Variants in NPFFR2 observed in about 807,000 individuals in gnomAD.
NPFFR2 encodes the protein G-protein coupled receptor 74.
A neutral mutation model predicts 13.1 loss-of-function variants in NPFFR2; 15 were observed. The observed-to-expected ratio is 1.15, with a 90% CI of 0.77 to 1.76. The LOEUF is 1.76. NPFFR2 is among the 40% of genes most tolerant of loss of function. NPFFR2 has a pLI of 0.00. For missense variants in NPFFR2, 572 were observed against 503.5 expected, an observed-to-expected ratio of 1.14 and a Z score of -1.30; for synonymous variants, 190 against 175.7, an observed-to-expected ratio of 1.08 and a Z score of -0.65.
chr4:72,119,269 C>G (rs1247994810), intron 1 of NPFFR2, among the ~76,000 whole-genome samples: 19 of 152,064 alleles, frequency 1.2e-4, no homozygotes, highest in Admixed American at 1.2e-3. Context: ...ATATGTTGTA[C>G]ATAGATTGTT....
At chr4:72,092,800 T>A (rs1326937956) in intron 1 of NPFFR2, among the ~76,000 whole-genome samples, 1 of 152,182 alleles carries the variant, frequency 6.6e-6, no homozygotes, top group East Asian at 1.9e-4. Flanking sequence ...TTTGCCATTT[T>A]TTGTCTTTCA....
chr4:72,132,961 T>C (rs906160481), intron 2 of NPFFR2, among the ~76,000 whole-genome samples: 14 of 152,216 alleles, frequency 9.2e-5, no homozygotes, highest in African/African-American at 3.4e-4. Flanking sequence ...TTTACTCTGT[T>C]GATATTTTCT....
chr4:72,044,156 A>G (rs1719312322), intron 1 of NPFFR2, among the ~76,000 whole-genome samples: 1 of 152,116 alleles, frequency 6.6e-6, no homozygotes, highest in South Asian at 2.1e-4. Flanking sequence ...TTCCACCATG[A>G]TTGTAAGTTT....
intron 1 of NPFFR2, among the ~76,000 whole-genome samples, chr4:72,080,540 G>A (rs975307178): frequency 2.8e-4 from 43 of 152,070 alleles, no homozygotes; most frequent in African/African-American, 1.0e-3. Flanking sequence ...TCATGGACCT[G>A]CAGCTTTGAA....
chr4:72,078,382 T>A (rs1250296555), intron 1 of NPFFR2, among the ~76,000 whole-genome samples: 1 of 152,130 alleles, frequency 6.6e-6, no homozygotes, highest in Non-Finnish European at 1.5e-5. Flanking sequence ...TATCAATGAA[T>A]GAGTGAGAGC....
chr4:72,067,047 A>G (rs1720091879), intron 1 of NPFFR2, among the ~76,000 whole-genome samples: 1 of 26,286 alleles, frequency 3.8e-5, no homozygotes, highest in Non-Finnish European at 4.4e-4. Context: ...CACATGAGCA[A>G]CAGTCCTCTC....
chr4:72,102,325 T>A (rs1048097194), intron 1 of NPFFR2, among the ~76,000 whole-genome samples: 18 of 152,068 alleles, frequency 1.2e-4, no homozygotes, highest in Non-Finnish European at 2.2e-4. Context: ...TACTAAAAAA[T>A]CTTTCAATAA....
At chr4:72,138,462 C>T (rs1391287982) in intron 3 of NPFFR2, among the ~76,000 whole-genome samples, 1 of 142,548 alleles carries the variant, frequency 7.0e-6, no homozygotes, top group East Asian at 2.4e-4. Flanking sequence ...TGCCGTGTGT[C>T]CAAGTGTTCT....
intron 1 of NPFFR2, among the ~76,000 whole-genome samples, chr4:72,054,550 T>G (rs1719687218): frequency 6.6e-6 from 1 of 151,684 alleles, no homozygotes; most frequent in African/African-American, 2.4e-5. Context: ...AAGAGAAAAT[T>G]TTTGCAAACT....
intron 1 of NPFFR2, among the ~76,000 whole-genome samples, chr4:72,067,426 C>A (rs1720106878): frequency 6.6e-6 from 1 of 152,156 alleles, no homozygotes; most frequent in Non-Finnish European, 1.5e-5. Flanking sequence ...TTCTAAAATG[C>A]CTTCAGTGTC....
chr4:72,128,824 C>G lies in NPFFR2; in HGVS notation c.233C>G (p.Thr78Arg). The change falls in exon 2 of 4, where the codon ACA (threonine) becomes AGA (arginine). Residue 78 changes from threonine (T) to arginine (R), a missense_variant. Thr to Arg is a moderately conservative substitution (Grantham distance 71). Coordinates refer to ENST00000308744, the MANE Select transcript of NPFFR2 (RefSeq NM_004885.3). ...GTAATGAGGAACAAACATATGCACA[C>G]AGTCACTAATCTCTTCATCTTAAAC... ...FIVMRNKHMH[T>R]VTNLFILNLA... is the part of the protein sequence containing the mutation. 2 of 1,614,056 alleles carry G rather than the reference C, an allele frequency of 1.2e-6. No homozygotes were observed. Among genetic ancestry groups the G allele is most frequent in the Non-Finnish European group, 1.7e-6 (2 of 1,179,912 alleles).
intron 1 of NPFFR2, among the ~76,000 whole-genome samples, chr4:72,044,531 T>C (rs940883241): frequency 6.6e-6 from 1 of 152,180 alleles, no homozygotes; most frequent in Admixed American, 6.5e-5. Flanking sequence ...CAGTGTTCCC[T>C]TTTATCCACA....
chr4:72,043,263 G>A (rs1205322428), intron 1 of NPFFR2, among the ~76,000 whole-genome samples: 1 of 40,910 alleles, frequency 2.4e-5, no homozygotes. Flanking sequence ...GGGGCTGATC[G>A]CTTGTGGAGA....
At chr4:72,068,532 A>G (rs1720141575) in intron 1 of NPFFR2, among the ~76,000 whole-genome samples, 2 of 152,208 alleles carry the variant, frequency 1.3e-5, no homozygotes, top group South Asian at 4.1e-4. Flanking sequence ...TGCTCAAGCC[A>G]TAGCACCACT....
At chr4:72,054,281 G>A (rs1578425030) in intron 1 of NPFFR2, among the ~76,000 whole-genome samples, 1 of 151,758 alleles carries the variant, frequency 6.6e-6, no homozygotes, top group East Asian at 1.9e-4. Context: ...GTGTAAGCAC[G>A]GCCATGTAGA....
At chr4:72,039,790 A>G (rs914143326) in intron 1 of NPFFR2, among the ~76,000 whole-genome samples, 2 of 152,154 alleles carry the variant, frequency 1.3e-5, no homozygotes, top group South Asian at 2.1e-4. Flanking sequence ...CTATTTTTCA[A>G]TTTTAATGTA....
intron 1 of NPFFR2, among the ~76,000 whole-genome samples, chr4:72,127,146 CAA>C (rs913880229): frequency 6.7e-6 from 1 of 149,388 alleles, no homozygotes; most frequent in Non-Finnish European, 1.5e-5. Context: ...ACTAAAAATA[CAA>C]AAAAAATTCG....
chr4:72,048,307 A>C (rs1719437706), intron 1 of NPFFR2, among the ~76,000 whole-genome samples: 1 of 152,130 alleles, frequency 6.6e-6, no homozygotes, highest in South Asian at 2.1e-4. Flanking sequence ...AGGAATAGAG[A>C]ATAAGTTATC....
intron 1 of NPFFR2, among the ~76,000 whole-genome samples, chr4:72,055,181 T>C (rs1271796400): frequency 6.6e-6 from 1 of 151,990 alleles, no homozygotes; most frequent in African/African-American, 2.4e-5. Flanking sequence ...CAGTATTGTG[T>C]TTGCAAATTG....
Sources: gnomAD v4.1 joint callset for allele counts (sites outside exome capture counted in the v4.1 genomes callset) on GRCh38, gnomAD v4.1.1 for gene constraint, MANE v1.5 for transcripts, NCBI Gene and HGNC (gene_info 2026-07-23, HGNC 2026-07-21) for gene names.